The following PIK3C2A variants were observed in gnomAD, a reference collection of about 807,000 sequenced individuals.
PIK3C2A encodes phosphatidylinositol 4-phosphate 3-kinase C2 domain-containing subunit alpha.
In PIK3C2A, 97 loss-of-function variants were observed where a neutral mutation model predicts 204.5. That is an observed-to-expected ratio of 0.47 (90% CI 0.40 to 0.56). The LOEUF is 0.56. Among genes scored for constraint, PIK3C2A ranks in the 20% least tolerant of loss-of-function variants. The pLI, the probability that PIK3C2A is intolerant of heterozygous loss-of-function variation, is 0.00. For missense variants in PIK3C2A, 1,735 were observed against 1,969.2 expected (o/e 0.88, Z 2.25); for synonymous variants, 653 against 664.4 (o/e 0.98, Z 0.26).
chr11:17,111,642 C>T (rs1375896773), intron 21 of PIK3C2A, among the ~76,000 whole-genome samples: 3 of 151,704 alleles, frequency 2.0e-5, no homozygotes, highest in African/African-American at 7.3e-5. Flanking sequence ...TTTGGGAGAC[C>T]GAGACGGGCA....
intron 22 of PIK3C2A, among the ~76,000 whole-genome samples, chr11:17,107,621 T>G (rs1223686483): frequency 1.3e-5 from 2 of 152,236 alleles, no homozygotes; most frequent in Non-Finnish European, 2.9e-5. Flanking sequence ...TACTATATGC[T>G]ATCTGGATAT....
chr11:17,153,315 G>A (rs1850478173), intron 3 of PIK3C2A, among the ~76,000 whole-genome samples: 1 of 151,860 alleles, frequency 6.6e-6, no homozygotes, highest in Admixed American at 6.6e-5. Flanking sequence ...CATGCCTACA[G>A]TCCTAGCTAC....
At position 17,101,874 on chromosome 11, in the gene PIK3C2A, A is replaced by G. The variant is rs527713138; in HGVS notation, c.3852-440T>C. Among the ~76,000 whole-genome samples, 6 of 151,994 alleles carry G rather than the reference A, an allele frequency of 3.9e-5. No homozygotes were observed. The South Asian group carries it at 1.2e-3, about 32-fold the overall frequency. On this transcript the variant is annotated intron_variant, in intron 24 of 32. Transcript: ENST00000691414. The stretch of plus-strand genomic sequence containing the variant: ...CGCCTTGGCCTCCCAAAGTGCTGGG[A>G]TTACAGGCGTGAGCCACTGCACCCG...
At chr11:17,191,031 A>G (rs983056493) in intron 1 of PIK3C2A, among the ~76,000 whole-genome samples, 2 of 152,232 alleles carry the variant, frequency 1.3e-5, no homozygotes, top group African/African-American at 4.8e-5. Flanking sequence ...GATTCACCCA[A>G]TGAGGTTATA....
At position 17,110,423 on chromosome 11, in the gene PIK3C2A, T is replaced by TA; in HGVS notation, c.3544+8dup. ...AAATAAGACATCAAGACACAGCTAA[T>TA]AAACTTACCTCGATCTCTGCCAGTT... On this transcript the variant is annotated intron_variant, in intron 22 of 32. Coordinates refer to ENST00000691414, the MANE Select transcript of PIK3C2A (RefSeq NM_002645.4). The TA allele has an allele frequency of 6.2e-7, 1 of 1,605,820 alleles. No individual in the cohort carries two copies. Among genetic ancestry groups the TA allele is most frequent in the Non-Finnish European group, 8.5e-7 (1 of 1,176,854 alleles).
At chr11:17,183,712 TA>T (rs1385869702) in intron 1 of PIK3C2A, among the ~76,000 whole-genome samples, 1 of 151,658 alleles carries the variant, frequency 6.6e-6, no homozygotes, top group Non-Finnish European at 1.5e-5. Context: ...CACTTTATCG[TA>T]AGTTATGTAC....
At chr11:17,156,853 A>C (rs1414155303) in intron 2 of PIK3C2A, among the ~76,000 whole-genome samples, 1 of 152,164 alleles carries the variant, frequency 6.6e-6, no homozygotes, top group Non-Finnish European at 1.5e-5. Flanking sequence ...ACTGAATATC[A>C]ATGTAGCCAG....
chr11:17,141,763 G>A (rs1171250434), intron 8 of PIK3C2A, among the ~76,000 whole-genome samples: 1 of 152,184 alleles, frequency 6.6e-6, no homozygotes, highest in African/African-American at 2.4e-5. Flanking sequence ...AGAGGGCAGG[G>A]GTAGACACTG....
At chr11:17,118,846 T>C (rs1308601121) in intron 17 of PIK3C2A, 107 bp from the exon 18 acceptor site, 1 of 587,602 alleles carries the variant, frequency 1.7e-6, no homozygotes, top group Admixed American at 3.2e-5. Flanking sequence ...CTCTTACTGA[T>C]GAAAGATGAT....
chr11:17,169,032 A>T lies in PIK3C2A; in HGVS notation c.710T>A (p.Leu237Ter). ...FDKIASTSEFLKNGKARTDLE... is the reference protein window; with the variant it reads ...FDKIASTSEF The stretch of plus-strand genomic sequence containing the variant: ...ATCAGTCCTTGCTTTCCCATTTTTT[A>T]AAAATTCTGATGTACTAGCTATTTT... Residue 237 changes from leucine (L) to a stop codon, truncating the protein, a stop_gained, in exon 2 of 33, where the codon TTA (leucine) becomes TAA (stop). Transcript: ENST00000691414. LOFTEE classifies it high-confidence loss of function. The T allele has an allele frequency of 6.2e-7, 1 of 1,613,534 alleles. No individual in the cohort carries two copies. The highest frequency in any genetic ancestry group is 8.5e-7 in the Non-Finnish European group (1 of 1,179,872).
Position 17,087,002 on chromosome 11 carries a change from G to T in PIK3C2A, c.*2736C>A, listed in dbSNP as rs999336091. 3.3e-5 allele frequency: 5 copies of T among 152,144 alleles called. No homozygotes were observed. Among genetic ancestry groups the T allele is most frequent in the Non-Finnish European group, 5.9e-5 (4 of 68,016 alleles). The allele number at this position is 152,144 out of a possible 1,614,324, so 9.4% of individuals were successfully genotyped here. On this transcript the variant is annotated 3_prime_UTR_variant, in exon 33 of 33. Transcript: ENST00000691414. ...TTAGATACCTATAGATTCATATAAA[G>T]GCAGTAATAAAAATATCAGTGCAAG...
intron 2 of PIK3C2A, among the ~76,000 whole-genome samples, chr11:17,162,154 T>C (rs965775048): frequency 1.3e-5 from 2 of 151,948 alleles, no homozygotes; most frequent in African/African-American, 4.8e-5. Context: ...TGACCAATAA[T>C]GGTGAAACCC....
chr11:17,179,246 A>G (rs564088720), intron 1 of PIK3C2A, among the ~76,000 whole-genome samples: 2 of 152,220 alleles, frequency 1.3e-5, no homozygotes, highest in South Asian at 4.2e-4. Context: ...ACCGTAACCT[A>G]GAACTCCTGG....
chr11:17,199,822 G>A (rs1268872182), intron 1 of PIK3C2A, among the ~76,000 whole-genome samples: 1 of 151,276 alleles, frequency 6.6e-6, no homozygotes, highest in African/African-American at 2.4e-5. Flanking sequence ...CTACTCGGGA[G>A]GCTGAGGCAG....
intron 1 of PIK3C2A, among the ~76,000 whole-genome samples, chr11:17,174,232 G>T (rs1049984131): frequency 6.6e-6 from 1 of 152,134 alleles, no homozygotes; most frequent in Non-Finnish European, 1.5e-5. Flanking sequence ...TAAATCAAGT[G>T]TAATCACCTA....
intron 1 of PIK3C2A, among the ~76,000 whole-genome samples, chr11:17,192,904 T>G (rs1283775666): frequency 6.6e-6 from 1 of 152,248 alleles, no homozygotes; most frequent in Non-Finnish European, 1.5e-5. Context: ...TAATTGCCAT[T>G]GTGATAGTAT....
At chr11:17,142,847 TAA>T (rs1850111059) in intron 8 of PIK3C2A, among the ~76,000 whole-genome samples, 1 of 151,958 alleles carries the variant, frequency 6.6e-6, no homozygotes, top group African/African-American at 2.4e-5. Flanking sequence ...AGTGGGCATA[TAA>T]GAGAATGGGA....
At chr11:17,137,570 G>A (rs1849915572) in intron 8 of PIK3C2A, among the ~76,000 whole-genome samples, 2 of 151,826 alleles carry the variant, frequency 1.3e-5, no homozygotes, top group South Asian at 2.1e-4. Context: ...CACCATGCCT[G>A]GCTAATTTTT....
intron 1 of PIK3C2A, among the ~76,000 whole-genome samples, chr11:17,199,761 T>C (rs902503561): frequency 1.3e-5 from 2 of 151,962 alleles, no homozygotes; most frequent in East Asian, 1.9e-4. Context: ...CCTGTCTCTA[T>C]TAAAAATACA....
Sources: allele counts gnomAD v4.1 joint callset (sites outside exome capture counted in the v4.1 genomes callset), GRCh38; gene constraint gnomAD v4.1.1; transcripts MANE v1.5; gene names NCBI Gene and HGNC (gene_info 2026-07-23, HGNC 2026-07-21).